The following DNAH7 variants were observed in gnomAD, a reference collection of about 807,000 sequenced individuals.
DNAH7 encodes axonemal beta dynein heavy chain 7.
In DNAH7, 397 loss-of-function variants were observed where a neutral mutation model predicts 444.6. That is an observed-to-expected ratio of 0.89 (90% CI 0.82 to 0.97). The LOEUF (loss-of-function observed/expected upper bound fraction) is 0.97, where lower values mean the gene tolerates loss of function less well. DNAH7 is among the 50% of genes least tolerant of loss of function. DNAH7 has a pLI of 0.00. For missense variants in DNAH7, 4,902 were observed against 4,800.8 expected (o/e 1.02, Z -0.62); for synonymous variants, 1,636 against 1,624.4 (o/e 1.01, Z -0.17).
intron 1 of DNAH7, among the ~76,000 whole-genome samples, chr2:196,065,750 TG>T (rs1265086300): frequency 6.6e-6 from 1 of 152,226 alleles, no homozygotes; most frequent in Non-Finnish European, 1.5e-5. Context: ...CATCAGGGTC[TG>T]AGAATAATGT....
At chr2:195,765,839 AC>A (rs1694549127) in intron 61 of DNAH7, among the ~76,000 whole-genome samples, 1 of 152,144 alleles carries the variant, frequency 6.6e-6, no homozygotes, top group African/African-American at 2.4e-5. Flanking sequence ...AAAAACTAAA[AC>A]GAGAGCTACC....
At chr2:195,836,098 C>A (rs182819940) in intron 47 of DNAH7, among the ~76,000 whole-genome samples, 2 of 152,256 alleles carry the variant, frequency 1.3e-5, no homozygotes, top group Non-Finnish European at 2.9e-5. Flanking sequence ...CTTGCTGTGT[C>A]CTATATGGCC....
At chr2:195,834,434 C>T (rs1698231166) in intron 47 of DNAH7, 74 bp from the exon 48 acceptor site, 1 of 1,422,396 alleles carries the variant, frequency 7.0e-7, no homozygotes. Context: ...GTTCACATCA[C>T]AGGTCACTTT....
intron 1 of DNAH7, chr2:196,068,458 C>T: frequency 3.5e-6 from 2 of 567,046 alleles, no homozygotes. Flanking sequence ...CCTGCTGGCG[C>T]GCCGCTAGGC....
At chr2:195,740,581 GTATA>G (rs997964250) in intron 64 of DNAH7, among the ~76,000 whole-genome samples, 181 bp downstream of exon 64, 2 of 86,792 alleles carry the variant, frequency 2.3e-5, no homozygotes, top group African/African-American at 5.0e-5. Flanking sequence ...AGAATTGACT[GTATA>G]TGTGTGTGTG....
chr2:195,847,136 T>C (rs1281322312), intron 46 of DNAH7, among the ~76,000 whole-genome samples: 1 of 147,386 alleles, frequency 6.8e-6, no homozygotes, highest in Non-Finnish European at 1.5e-5. Context: ...ATATATCTTA[T>C]ATATATATCA....
intron 10 of DNAH7, among the ~76,000 whole-genome samples, chr2:196,003,034 T>G (rs760969790): frequency 1.3e-5 from 2 of 150,362 alleles, no homozygotes; most frequent in Non-Finnish European, 1.5e-5. Context: ...AAAGATGGTA[T>G]CATCATTTCT....
chr2:195,835,863 C>A (rs1698345373), intron 47 of DNAH7, among the ~76,000 whole-genome samples: 1 of 152,144 alleles, frequency 6.6e-6, no homozygotes, highest in South Asian at 2.1e-4. Context: ...AACAAAAAAA[C>A]AAACAAAAAT....
At chr2:195,814,615 A>G (rs1697137964) in intron 51 of DNAH7, among the ~76,000 whole-genome samples, 1 of 152,248 alleles carries the variant, frequency 6.6e-6, no homozygotes, top group Non-Finnish European at 1.5e-5. Context: ...TAAGCTAATT[A>G]ACAGATTAAC....
chr2:196,060,710 T>A (rs1410149411), intron 1 of DNAH7, among the ~76,000 whole-genome samples: 5 of 152,188 alleles, frequency 3.3e-5, no homozygotes, highest in African/African-American at 1.2e-4. Flanking sequence ...TGTTCTCCAG[T>A]GAGGTATTTA....
intron 58 of DNAH7, among the ~76,000 whole-genome samples, chr2:195,782,259 A>G (rs1183838454): frequency 2.0e-5 from 3 of 152,190 alleles, no homozygotes; most frequent in Admixed American, 6.5e-5. Flanking sequence ...ATTAGACTTA[A>G]TAATGTCAAA....
rs560728000 is a variant in DNAH7 at position 195,946,826 on chromosome 2, CT to C, written c.3079-10035del. Among the ~76,000 whole-genome samples the C allele has an allele frequency of 1.6e-3, 237 of 152,128 alleles. 1 individual carries two copies. Among genetic ancestry groups the C allele is most frequent in the African/African-American group, 5.3e-3 (218 of 41,508 alleles). ...GAGTAGTCTCCATATCTCCCCACCC[CT>C]GGAACTTCATGTTTACTTGCACTGT... On this transcript the variant is annotated intron_variant, in intron 19 of 64. Coordinates refer to ENST00000312428, the MANE Select transcript of DNAH7 (RefSeq NM_018897.3).
rs550626817 is a variant in DNAH7, at chr2:195,789,095, G to A, written c.10717-1924C>T. ...TGATTCCAGGGCTGGGGCAAGATAG[G>A]TACACCATGAGCCTGGAACATCTTA... is the stretch of plus-strand genomic sequence containing the variant. On this transcript the variant is annotated intron_variant, in intron 57 of 64. Coordinates refer to ENST00000312428, the MANE Select transcript of DNAH7 (RefSeq NM_018897.3). 5.9e-5 allele frequency among the ~76,000 whole-genome samples: 9 copies of A among 152,212 alleles called. 1 individual carries two copies. In the South Asian group the frequency reaches 1.9e-3, roughly 32 times the overall value.
At chr2:195,847,459 A>G (rs1177482328) in intron 46 of DNAH7, among the ~76,000 whole-genome samples, 1 of 151,886 alleles carries the variant, frequency 6.6e-6, no homozygotes, top group East Asian at 1.9e-4. Flanking sequence ...CATAGACACA[A>G]AGAAGGGAGC....
chr2:195,939,862 G>T (rs1251398457), intron 19 of DNAH7, among the ~76,000 whole-genome samples: 3 of 152,066 alleles, frequency 2.0e-5, no homozygotes, highest in African/African-American at 7.2e-5. Context: ...ACTGCTCAAA[G>T]AAATAAGAGA....
chr2:195,975,611 C>T (rs1013543770), intron 15 of DNAH7, among the ~76,000 whole-genome samples: 1 of 152,168 alleles, frequency 6.6e-6, no homozygotes, highest in African/African-American at 2.4e-5. Context: ...TGTGCCATCC[C>T]TCCCCCAACC....
rs548469372 is a variant in DNAH7 at position 195,888,132 on chromosome 2, T to A, written c.5406+126A>T. ...CATGAATTCTAATCTAAATTTTTAA[T>A]TTAATCAAAAAGGTTTTGATTTAAT... On this transcript the variant is annotated intron_variant, in intron 33 of 64. Transcript: ENST00000312428. 18 of 785,576 alleles carry A rather than the reference T, an allele frequency of 2.3e-5. No homozygotes were observed. In the Admixed American group the frequency reaches 4.6e-4, roughly 20 times the overall value. 48.7% of individuals were successfully genotyped at this position (785,576 alleles called of 1,614,324 possible).
chr2:195,893,976 AATAAG>A (rs1054354413), intron 30 of DNAH7: 3 of 152,142 alleles, frequency 2.0e-5, no homozygotes, highest in East Asian at 1.9e-4. Context: ...ATGAGCCATA[AATAAG>A]ATAAAGAATG....
chr2:195,955,032 T>G (rs921313867), intron 19 of DNAH7, among the ~76,000 whole-genome samples: 4 of 152,188 alleles, frequency 2.6e-5, no homozygotes, highest in Non-Finnish European at 4.4e-5. Context: ...AGTTTAATTA[T>G]ACCCCATTTG....
Sources: gnomAD v4.1 joint callset for allele counts (sites outside exome capture counted in the v4.1 genomes callset) on GRCh38, gnomAD v4.1.1 for gene constraint, MANE v1.5 for transcripts, NCBI Gene and HGNC (gene_info 2026-07-23, HGNC 2026-07-21) for gene names.